Variants in RPH3AL observed in about 807,000 individuals in gnomAD.
RPH3AL encodes the protein rab effector Noc2.
In RPH3AL, 38 loss-of-function variants were observed where a neutral mutation model predicts 43.1. The observed-to-expected ratio is 0.88, with a 90% confidence interval of 0.68 to 1.15. The LOEUF is 1.15. RPH3AL is among the 50% of genes most tolerant of loss of function. The probability of loss-of-function intolerance (pLI) is 0.00; values close to 1 mark genes in which losing one functional copy is unlikely to be tolerated. For missense variants in RPH3AL, 462 were observed against 423.2 expected (o/e 1.09, Z -0.81); for synonymous variants, 189 against 176.3 (o/e 1.07, Z -0.57).
At chr17:236,733 C>T (rs1217609798) in intron 7 of RPH3AL, among the ~76,000 whole-genome samples, 1 of 152,270 alleles carries the variant, frequency 6.6e-6, no homozygotes, top group Non-Finnish European at 1.5e-5. Context: ...GCAGCAACCT[C>T]TACCTCGTGC....
intron 7 of RPH3AL, among the ~76,000 whole-genome samples, chr17:229,594 C>A (rs1192071297): frequency 1.3e-5 from 2 of 152,220 alleles, no homozygotes; most frequent in African/African-American, 4.8e-5. Flanking sequence ...CCTCTCCCAG[C>A]CTCCCCTGAA....
At position 276,900 on chromosome 17, in the gene RPH3AL, G is replaced by T. The variant is rs34537639; in HGVS notation, c.438+4868C>A. Among the ~76,000 whole-genome samples, 940 of 152,246 alleles carry T rather than the reference G, an allele frequency of 6.2e-3. 6 individuals carry two copies. Among genetic ancestry groups the T allele is most frequent in the Non-Finnish European group, 8.1e-3 (551 of 68,024 alleles). On this transcript the variant is annotated intron_variant, in intron 6 of 9. Coordinates refer to ENST00000331302, the MANE Select transcript of RPH3AL (RefSeq NM_006987.4). ...AAGATCAGGATTAATTGCATTATCT[G>T]TAAAGTGGTCTTTTTTGTATAAAGG...
At chr17:248,033 T>C (rs570371629) in intron 6 of RPH3AL, among the ~76,000 whole-genome samples, 4 of 148,096 alleles carry the variant, frequency 2.7e-5, no homozygotes, top group South Asian at 4.4e-4. Context: ...CTCTCCTCCC[T>C]GCCAGCTGAC....
intron 1 of RPH3AL, among the ~76,000 whole-genome samples, chr17:337,922 C>T (rs1252923563): frequency 6.6e-6 from 1 of 152,220 alleles, no homozygotes; most frequent in Non-Finnish European, 1.5e-5. Context: ...CAAATCCCTG[C>T]TCGTCTCTTC....
At chr17:303,390 C>CA (rs1207022320) in intron 5 of RPH3AL, among the ~76,000 whole-genome samples, 3 of 148,800 alleles carry the variant, frequency 2.0e-5, no homozygotes, top group East Asian at 2.0e-4. Context: ...GACCCTGTCT[C>CA]AAAAAAACAA....
intron 1 of RPH3AL, among the ~76,000 whole-genome samples, chr17:337,829 T>C (rs1359549946): frequency 6.6e-6 from 1 of 152,240 alleles, no homozygotes; most frequent in Non-Finnish European, 1.5e-5. Context: ...GAGGTTTCAC[T>C]TAATCCTGTG....
chr17:321,741 G>A (rs544322842), intron 3 of RPH3AL: 5 of 305,410 alleles, frequency 1.6e-5, no homozygotes, highest in East Asian at 5.7e-5. Flanking sequence ...TGTGCAGGGG[G>A]CAAGGCACGC....
intron 7 of RPH3AL, among the ~76,000 whole-genome samples, chr17:224,041 T>C (rs1350764702): frequency 6.6e-6 from 1 of 152,202 alleles, no homozygotes; most frequent in Non-Finnish European, 1.5e-5. Context: ...TCTTTTCCCC[T>C]CATGTCCTGC....
At chr17:307,010 G>A (rs1423057279) in intron 5 of RPH3AL, among the ~76,000 whole-genome samples, 1 of 152,046 alleles carries the variant, frequency 6.6e-6, no homozygotes, top group Non-Finnish European at 1.5e-5. Flanking sequence ...AGGCCCGGCT[G>A]CCACATCTGC....
chr17:335,449 T>C (rs1279439177), intron 1 of RPH3AL, among the ~76,000 whole-genome samples: 2 of 151,942 alleles, frequency 1.3e-5, no homozygotes, highest in Non-Finnish European at 2.9e-5. Flanking sequence ...TGCATCACGA[T>C]GCTTAGAATG....
intron 7 of RPH3AL, among the ~76,000 whole-genome samples, chr17:229,402 G>A (rs931423484): frequency 1.3e-5 from 2 of 152,238 alleles, no homozygotes; most frequent in African/African-American, 2.4e-5. Flanking sequence ...ACAGGAAACC[G>A]CACTGTACAA....
intron 5 of RPH3AL, among the ~76,000 whole-genome samples, chr17:318,328 C>G (rs2044358513): frequency 6.6e-6 from 1 of 152,102 alleles, no homozygotes; most frequent in Admixed American, 6.5e-5. Flanking sequence ...TTGCAGTGAG[C>G]CAAGACTGCA....
rs559690470 is a variant in RPH3AL, at chr17:236,763, T to C, written c.613+10348A>G. 8.1e-4 allele frequency among the ~76,000 whole-genome samples: 123 copies of C among 152,344 alleles called. 3 individuals are homozygous for C. In the South Asian group the frequency reaches 0.017, roughly 21 times the overall value. On this transcript the variant is annotated intron_variant, in intron 7 of 9. Transcript: ENST00000331302. ...TCGTGCCAGCCTTGGTGGTCCCTGA[T>C]CCTCACAACCAAAAATCCCCAACAG...
chr17:247,290 G>T lies in RPH3AL; in HGVS notation c.439-5C>A, dbSNP rs777148509. Reference sequence around the variant, plus strand: ...GGCCCCCGACCTCTTCCAGACCTGAGTGGGGGAAGAGAGCTGCTTGGGGCA... The same window carrying T: ...GGCCCCCGACCTCTTCCAGACCTGATTGGGGGAAGAGAGCTGCTTGGGGCA... On this transcript the variant is annotated splice_polypyrimidine_tract_variant and splice_region_variant and intron_variant, in intron 6 of 9. Coordinates refer to ENST00000331302, the MANE Select transcript of RPH3AL (RefSeq NM_006987.4). 7 of 1,566,014 alleles carry T rather than the reference G, an allele frequency of 4.5e-6. No homozygotes were observed. The South Asian group carries it at 8.4e-5, about 19-fold the overall frequency.
At chr17:351,857 T>C (rs530101991) in intron 1 of RPH3AL, among the ~76,000 whole-genome samples, 3 of 152,260 alleles carry the variant, frequency 2.0e-5, no homozygotes, top group African/African-American at 7.2e-5. Context: ...CAGGAAAACA[T>C]TTTTAAATGC....
At chr17:272,350 C>A (rs1219181759) in intron 6 of RPH3AL, among the ~76,000 whole-genome samples, 1 of 151,900 alleles carries the variant, frequency 6.6e-6, no homozygotes, top group East Asian at 1.9e-4. Context: ...GACTTGGAAC[C>A]AACCCAAATG....
At position 213,999 on chromosome 17, in the gene RPH3AL, TG is replaced by T. The variant is rs2040733024; in HGVS notation, c.877-77del. 2.6e-6 allele frequency: 3 copies of T among 1,149,970 alleles called. No individual in the cohort carries two copies. In the East Asian group the frequency reaches 7.2e-5, roughly 28 times the overall value. 71.2% of individuals were successfully genotyped at this position (1,149,970 alleles called of 1,614,324 possible). A position where few individuals can be genotyped will look rare whatever the true frequency, so the allele number is the denominator to read the frequency against. On this transcript the variant is annotated intron_variant, in intron 9 of 9. Transcript: ENST00000331302. ...CCCTCCCCGGTGACAGCTCGGCCTTTGGGAATGAGATGGAGGAGCTGGTGGG... is the reference window on the plus strand; with the variant it reads ...CCCTCCCCGGTGACAGCTCGGCCTTTGGAATGAGATGGAGGAGCTGGTGGG...
intron 3 of RPH3AL, among the ~76,000 whole-genome samples, chr17:326,465 G>C (rs531323029): frequency 6.6e-6 from 1 of 152,166 alleles, no homozygotes; most frequent in African/African-American, 2.4e-5. Flanking sequence ...CCCCTCTGAG[G>C]GACAGCGAGG....
chr17:259,205 G>A (rs539450704), intron 6 of RPH3AL, among the ~76,000 whole-genome samples: 8 of 152,324 alleles, frequency 5.3e-5, no homozygotes, highest in Admixed American at 5.2e-4. Flanking sequence ...ACCAGCGTGA[G>A]GAGCAGCAGT....
Sources: allele counts gnomAD v4.1 joint callset (sites outside exome capture counted in the v4.1 genomes callset), GRCh38; gene constraint gnomAD v4.1.1; transcripts MANE v1.5; gene names NCBI Gene and HGNC (gene_info 2026-07-23, HGNC 2026-07-21).